PPP1R16B: variants seen among roughly 807,000 people sequenced by gnomAD.
PPP1R16B encodes the protein protein phosphatase 1 regulatory inhibitor subunit 16B.
Under a neutral mutation model 61.7 loss-of-function variants are expected in PPP1R16B, and 14 were observed. That is an observed-to-expected ratio of 0.23 (90% confidence interval 0.15 to 0.35). PPP1R16B has a LOEUF of 0.35. Among genes scored for constraint, PPP1R16B ranks in the 10% least tolerant of loss-of-function variants. The pLI is 1.00. For synonymous variants in PPP1R16B, 266 were observed against 305.3 expected (o/e 0.87, Z 1.34); for missense variants, 547 against 752.5 (o/e 0.73, Z 3.19).
intron 1 of PPP1R16B, among the ~76,000 whole-genome samples, chr20:38,825,065 T>C (rs899856465): frequency 6.6e-6 from 1 of 152,222 alleles, no homozygotes; most frequent in African/African-American, 2.4e-5. Flanking sequence ...GGAGATAGCT[T>C]GTTAGGGATA....
chr20:38,874,200 C>G (rs928680571), intron 2 of PPP1R16B, among the ~76,000 whole-genome samples: 2 of 152,158 alleles, frequency 1.3e-5, no homozygotes, highest in Non-Finnish European at 2.9e-5. Context: ...GCCCTTTGGC[C>G]TTATCTTGTA....
chr20:38,812,285 A>G lies in PPP1R16B; in HGVS notation c.-102+6493A>G, dbSNP rs569227811. 6.6e-5 allele frequency among the ~76,000 whole-genome samples: 10 copies of G among 152,356 alleles called. No homozygotes were observed. The South Asian group carries it at 8.3e-4, about 13-fold the overall frequency. On this transcript the variant is annotated intron_variant, in intron 1 of 10. Coordinates refer to ENST00000299824, the MANE Select transcript of PPP1R16B (RefSeq NM_015568.4). ...GGAAAGTAGGCTGGGGCAGAGGAGC[A>G]TAGGTGCTGTCAGCTGGGCCCTTGG...
chr20:38,830,870 G>T (rs1463490728), intron 1 of PPP1R16B, among the ~76,000 whole-genome samples: 1 of 152,204 alleles, frequency 6.6e-6, no homozygotes, highest in Non-Finnish European at 1.5e-5. Flanking sequence ...TTCTTTGAAA[G>T]GGATAAAGTG....
intron 1 of PPP1R16B, among the ~76,000 whole-genome samples, chr20:38,828,501 C>A (rs1341520420): frequency 1.3e-5 from 2 of 152,304 alleles, no homozygotes; most frequent in East Asian, 1.9e-4. Context: ...AATAAAGGGG[C>A]TTTTGTTGGC....
chr20:38,810,461 C>T (rs1258429747), intron 1 of PPP1R16B, among the ~76,000 whole-genome samples: 2 of 152,234 alleles, frequency 1.3e-5, no homozygotes, highest in Non-Finnish European at 2.9e-5. Flanking sequence ...GGGCTGGTCT[C>T]TGCTCAACTA....
chr20:38,921,020 C>G lies in PPP1R16B; in HGVS notation c.*2354C>G, dbSNP rs61390556. 1 of 152,396 alleles carries G rather than the reference C, an allele frequency of 6.6e-6. No homozygotes were observed. Among genetic ancestry groups the G allele is most frequent in the Non-Finnish European group, 1.5e-5 (1 of 68,072 alleles). 9.4% of individuals were successfully genotyped at this position (152,396 alleles called of 1,614,324 possible). On this transcript the variant is annotated 3_prime_UTR_variant, in exon 11 of 11. Coordinates refer to ENST00000299824, the MANE Select transcript of PPP1R16B (RefSeq NM_015568.4). ...GCTCAGGGGCCAAACACTGAAGGCA[C>G]GTACTGCCCAACCCACTGAGCGCCT...
intron 2 of PPP1R16B, among the ~76,000 whole-genome samples, chr20:38,874,065 A>T (rs1443713659): frequency 6.6e-6 from 1 of 152,184 alleles, no homozygotes; most frequent in Non-Finnish European, 1.5e-5. Context: ...CTCACAAGGC[A>T]CACTCCATCC....
intron 2 of PPP1R16B, among the ~76,000 whole-genome samples, chr20:38,879,324 A>T (rs533741963): frequency 6.6e-6 from 1 of 152,270 alleles, no homozygotes; most frequent in East Asian, 1.9e-4. Context: ...GCTTTGGTGG[A>T]GAAATCTTAC....
At chr20:38,913,782 C>T (rs1266794125) in intron 10 of PPP1R16B, among the ~76,000 whole-genome samples, 2 of 152,012 alleles carry the variant, frequency 1.3e-5, no homozygotes, top group African/African-American at 4.8e-5. Context: ...GGTGGTCAGC[C>T]CATTTCCAGA....
intron 2 of PPP1R16B, among the ~76,000 whole-genome samples, chr20:38,871,917 T>A (rs1424262505): frequency 6.6e-6 from 1 of 152,222 alleles, no homozygotes; most frequent in African/African-American, 2.4e-5. Flanking sequence ...ACAGGTGAAA[T>A]TAATTTGAAT....
At chr20:38,843,420 T>A (rs575991707) in intron 2 of PPP1R16B, among the ~76,000 whole-genome samples, 2 of 149,214 alleles carry the variant, frequency 1.3e-5, no homozygotes, top group Non-Finnish European at 3.0e-5. Flanking sequence ...AGAATCCACT[T>A]CCAAGATGGC....
At chr20:38,894,434 G>A (rs2085319220) in intron 3 of PPP1R16B, among the ~76,000 whole-genome samples, 1 of 152,200 alleles carries the variant, frequency 6.6e-6, no homozygotes, top group Non-Finnish European at 1.5e-5. Flanking sequence ...GCTCCTCACT[G>A]TCCCCTCCCA....
intron 1 of PPP1R16B, among the ~76,000 whole-genome samples, chr20:38,821,500 T>C (rs1315119269): frequency 6.6e-6 from 1 of 152,224 alleles, no homozygotes; most frequent in African/African-American, 2.4e-5. Flanking sequence ...GTGGGCTATA[T>C]ACACATTGTC....
chr20:38,870,497 G>A lies in PPP1R16B; in HGVS notation c.251-19098G>A, dbSNP rs1238083215. ...TGAGGAGGTGACACTTAAGAGACCT[G>A]AAGGATGAGAACTGAGCCAGCCATG... On this transcript the variant is annotated intron_variant, in intron 2 of 10. Coordinates refer to ENST00000299824, the MANE Select transcript of PPP1R16B (RefSeq NM_015568.4). Among the ~76,000 whole-genome samples the A allele has an allele frequency of 3.3e-5, 5 of 152,158 alleles. No homozygotes were observed. In the South Asian group the frequency reaches 1.0e-3, roughly 31 times the overall value.
intron 2 of PPP1R16B, among the ~76,000 whole-genome samples, chr20:38,863,555 G>C (rs1228735608): frequency 6.6e-6 from 1 of 152,228 alleles, no homozygotes; most frequent in Non-Finnish European, 1.5e-5. Flanking sequence ...CCAGGTTCCT[G>C]TTCTGGCTCC....
At chr20:38,848,621 T>C (rs1046259017) in intron 2 of PPP1R16B, among the ~76,000 whole-genome samples, 1 of 152,202 alleles carries the variant, frequency 6.6e-6, no homozygotes, top group African/African-American at 2.4e-5. Context: ...AAGTTTTCCC[T>C]CCAAACCTCA....
intron 2 of PPP1R16B, among the ~76,000 whole-genome samples, chr20:38,862,412 A>G (rs1438697633): frequency 3.9e-5 from 6 of 152,238 alleles, no homozygotes; most frequent in African/African-American, 1.4e-4. Context: ...CTCAGGTCTC[A>G]CAGCTCCGAG....
chr20:38,918,699 G>T lies in PPP1R16B; in HGVS notation c.*33G>T, dbSNP rs1431531680. On this transcript the variant is annotated 3_prime_UTR_variant, in exon 11 of 11. Coordinates refer to ENST00000299824, the MANE Select transcript of PPP1R16B (RefSeq NM_015568.4). The surrounding 1 kb of genome is among the most constrained non-coding windows in gnomAD (Gnocchi z 5.3). ...GTGATGGAGGAGGGAGATGCCTGGG[G>T]AGGGGCTCCTGGAATCCAGGCCAGC... 2.0e-6 allele frequency: 3 copies of T among 1,490,076 alleles called. No homozygotes were observed. In the African/African-American group the frequency reaches 4.2e-5, roughly 21 times the overall value. The allele number at this position is 1,490,076 out of a possible 1,614,324, so 92.3% of individuals were successfully genotyped here.
At chr20:38,917,167 G>A (rs143095570) in intron 10 of PPP1R16B, among the ~76,000 whole-genome samples, 42 of 152,098 alleles carry the variant, frequency 2.8e-4, no homozygotes, top group African/African-American at 9.4e-4. Flanking sequence ...GTGGTGGTAC[G>A]TGCCTGTAAT....
Sources: allele counts gnomAD v4.1 joint callset (sites outside exome capture counted in the v4.1 genomes callset), GRCh38; gene constraint gnomAD v4.1.1; non-coding constraint Gnocchi (gnomAD v3.1); transcripts MANE v1.5; gene names NCBI Gene and HGNC (gene_info 2026-07-23, HGNC 2026-07-21).